The following EYA4 variants were observed in gnomAD, a reference collection of about 807,000 sequenced individuals.
The protein encoded by EYA4 is EYA transcriptional coactivator and phosphatase 4.
EYA4 carries 31 observed loss-of-function variants against 87.9 expected under a neutral mutation model. The ratio of observed to expected loss-of-function variants is 0.35; its 90% confidence interval spans 0.27 to 0.48. The LOEUF (loss-of-function observed/expected upper bound fraction) is 0.48, where lower values mean the gene tolerates loss of function less well. Ranked by LOEUF, EYA4 falls within the 20% of genes least tolerant of loss-of-function variation. The pLI is 0.99. For synonymous variants in EYA4, 263 were observed against 270.6 expected (o/e 0.97, Z 0.28); for missense variants, 678 against 761.4 (o/e 0.89, Z 1.29).
intron 3 of EYA4, among the ~76,000 whole-genome samples, chr6:133,434,743 T>G (rs1791500427): frequency 1.3e-5 from 2 of 152,230 alleles, no homozygotes; most frequent in African/African-American, 4.8e-5. Context: ...ATCAATGCTT[T>G]GCTCTTGTTA....
At chr6:133,475,558 G>A (rs1484686821) in intron 11 of EYA4, among the ~76,000 whole-genome samples, 2 of 151,986 alleles carry the variant, frequency 1.3e-5, no homozygotes, top group African/African-American at 4.8e-5. Flanking sequence ...ATAACTTCAT[G>A]GTATTTCACG....
chr6:133,273,456 G>C (rs1776906155), intron 1 of EYA4, among the ~76,000 whole-genome samples: 1 of 152,070 alleles, frequency 6.6e-6, no homozygotes, highest in South Asian at 2.1e-4. Flanking sequence ...TCAATACTTT[G>C]TATCCTTCAA....
intron 13 of EYA4, among the ~76,000 whole-genome samples, chr6:133,483,460 T>C (rs1796402968): frequency 6.6e-6 from 1 of 151,268 alleles, no homozygotes; most frequent in African/African-American, 2.4e-5. Context: ...AAAAGAGCTT[T>C]AAGAAATTGT....
intron 13 of EYA4, among the ~76,000 whole-genome samples, chr6:133,491,346 CA>C (rs1362335495): frequency 6.6e-6 from 1 of 151,654 alleles, no homozygotes; most frequent in Non-Finnish European, 1.5e-5. Context: ...GAAAAAAATA[CA>C]AAAGATCAAC....
intron 2 of EYA4, among the ~76,000 whole-genome samples, chr6:133,349,955 C>T (rs568128645): frequency 6.6e-6 from 1 of 152,184 alleles, no homozygotes; most frequent in Non-Finnish European, 1.5e-5. Context: ...TTTTAGCAAA[C>T]TTTACCTGGT....
intron 2 of EYA4, among the ~76,000 whole-genome samples, chr6:133,356,783 GTGTGTGTGTATATA>G (rs1439451825): frequency 1.4e-4 from 14 of 97,134 alleles, no homozygotes; most frequent in Admixed American, 5.0e-4. Context: ...GTGTGTGTGT[GTGTGTGTGTATATA>G]TATATTTTAT....
intron 3 of EYA4, among the ~76,000 whole-genome samples, chr6:133,395,498 G>A (rs1223124369): frequency 1.3e-5 from 2 of 152,158 alleles, no homozygotes; most frequent in East Asian, 1.9e-4. Context: ...GGTGGCTCCC[G>A]CCTGTAATCC....
chr6:133,259,596 A>G (rs1775627164), intron 1 of EYA4, among the ~76,000 whole-genome samples: 1 of 152,238 alleles, frequency 6.6e-6, no homozygotes, highest in Non-Finnish European at 1.5e-5. Context: ...AATCTGGATC[A>G]ATAAAATTTC....
chr6:133,281,621 T>C (rs1007342095), intron 2 of EYA4, among the ~76,000 whole-genome samples: 1 of 135,844 alleles, frequency 7.4e-6, no homozygotes, highest in Non-Finnish European at 1.5e-5. Context: ...TTTTTTAAAC[T>C]TCAACTTAGT....
At chr6:133,336,145 T>C (rs1401058575) in intron 2 of EYA4, among the ~76,000 whole-genome samples, 3 of 152,160 alleles carry the variant, frequency 2.0e-5, no homozygotes. Flanking sequence ...ATAGGATAAC[T>C]GATCAGGGTG....
At chr6:133,528,095 A>G (rs1182006844) in intron 19 of EYA4, among the ~76,000 whole-genome samples, 1 of 152,184 alleles carries the variant, frequency 6.6e-6, no homozygotes, top group African/African-American at 2.4e-5. Context: ...TATCTTCCCC[A>G]TTGAAAATGT....
Position 133,462,316 on chromosome 6 carries a change from C to A in EYA4, c.438-19C>A. On this transcript the variant is annotated intron_variant, in intron 7 of 19. Coordinates refer to ENST00000355286, the MANE Select transcript of EYA4 (RefSeq NM_004100.5). ...CACAGTCTTTGTTGCCACAGTAATGCTATTTTTCTGATATTTAGGCCCTAT... is the reference window on the plus strand; with the variant it reads ...CACAGTCTTTGTTGCCACAGTAATGATATTTTTCTGATATTTAGGCCCTAT... The A allele has an allele frequency of 6.2e-7, 1 of 1,613,640 alleles. No individual in the cohort carries two copies. Among genetic ancestry groups the A allele is most frequent in the Non-Finnish European group, 8.5e-7 (1 of 1,179,630 alleles).
chr6:133,441,955 A>T, intron 3 of EYA4, among the ~76,000 whole-genome samples: 1 of 151,982 alleles, frequency 6.6e-6, no homozygotes, highest in East Asian at 1.9e-4. Flanking sequence ...TATATGTTAT[A>T]TACATATATG....
chr6:133,449,911 C>A (rs1793253779), intron 5 of EYA4, among the ~76,000 whole-genome samples: 1 of 151,762 alleles, frequency 6.6e-6, no homozygotes, highest in Admixed American at 6.6e-5. Flanking sequence ...CTTTTGGTAA[C>A]AAAATGTTAG....
intron 13 of EYA4, among the ~76,000 whole-genome samples, chr6:133,491,336 G>GA (rs1489311142): frequency 9.9e-5 from 15 of 151,684 alleles, no homozygotes; most frequent in African/African-American, 3.1e-4. Context: ...AACTTGAAAT[G>GA]AAAAAAATAC....
chr6:133,335,721 T>C lies in EYA4; in HGVS notation c.34-46671T>C, dbSNP rs1782316459. ...GCACACTCTGTAGCGGGAGGGAGCATGGTGCATTGTGAATGGAACCCCGAA... is the reference window on the plus strand; with the variant it reads ...GCACACTCTGTAGCGGGAGGGAGCACGGTGCATTGTGAATGGAACCCCGAA... On this transcript the variant is annotated intron_variant, in intron 2 of 19. Transcript: ENST00000355286. Among the ~76,000 whole-genome samples the C allele has an allele frequency of 2.0e-5, 3 of 152,252 alleles. No individual in the cohort carries two copies. The South Asian group carries it at 6.2e-4, about 32-fold the overall frequency.
At chr6:133,281,802 A>G (rs190279474) in intron 2 of EYA4, among the ~76,000 whole-genome samples, 38 of 151,252 alleles carry the variant, frequency 2.5e-4, no homozygotes, top group African/African-American at 6.5e-4. Context: ...CCCACTGTCT[A>G]TTGTTTCTGT....
intron 2 of EYA4, among the ~76,000 whole-genome samples, chr6:133,340,501 GGGTA>G: frequency 6.6e-6 from 1 of 152,180 alleles, no homozygotes; most frequent in East Asian, 1.9e-4. Context: ...AATTAAATTA[GGGTA>G]GGTGAGCCCC....
At position 133,462,476 on chromosome 6, in the gene EYA4, C is replaced by T. The variant is rs747954279; in HGVS notation, c.579C>T (p.Tyr193=). 1.2e-5 allele frequency: 19 copies of T among 1,613,446 alleles called. No homozygotes were observed. The highest frequency in any genetic ancestry group is 4.0e-5 in the African/African-American group (3 of 74,536). Residue 193 remains tyrosine (Y), a splice_region_variant and synonymous_variant, in exon 8 of 20, where the codon TAC becomes TAT. Transcript: ENST00000355286. The part of the protein sequence containing the change: ...QTGQPYSLPT[Y]DLGVMLPAIK... ...GACAGCCCTACAGCTTGCCCACTTA[C>T]GGTATTTCACATCTTCTGTTTTCTT... is the stretch of plus-strand genomic sequence containing the variant.
Sources: allele counts gnomAD v4.1 joint callset (sites outside exome capture counted in the v4.1 genomes callset), GRCh38; gene constraint gnomAD v4.1.1; transcripts MANE v1.5; gene names NCBI Gene and HGNC (gene_info 2026-07-23, HGNC 2026-07-21).